The following CTSZ variants were observed in gnomAD, a reference collection of about 807,000 sequenced individuals.
CTSZ encodes cathepsin Z, also known as carboxypeptidase LB.
A neutral mutation model predicts 32.4 loss-of-function variants in CTSZ; 39 were observed. The observed-to-expected ratio is 1.20, with a 90% CI of 0.93 to 1.57. The LOEUF (loss-of-function observed/expected upper bound fraction) is 1.57. Ranked by LOEUF, CTSZ falls within the 40% of genes most tolerant of loss-of-function variation. The pLI is 0.00. For synonymous variants in CTSZ, 168 were observed against 170.1 expected, an observed-to-expected ratio of 0.99 and a Z score of 0.10; for missense variants, 397 against 419.6, an observed-to-expected ratio of 0.95 and a Z score of 0.47.
Position 59,004,969 on chromosome 20 carries a change from C to CA in CTSZ, c.307+1352dup, listed in dbSNP as rs1437748611. Among the ~76,000 whole-genome samples, 1 of 152,138 alleles carries CA rather than the reference C, an allele frequency of 6.6e-6. No individual in the cohort carries two copies. The highest frequency in any genetic ancestry group is 1.5e-5 in the Non-Finnish European group (1 of 68,020). On this transcript the variant is annotated intron_variant, in intron 2 of 5. Transcript: ENST00000217131. This position sits in a 1 kb window ranked among gnomAD's most constrained non-coding sequence, Gnocchi z 5.6. ...CACATCTTGTCACCTGACTCCCTCT[C>CA]AAAGAGTTCAAGGCTTCCCACAGGC...
At chr20:59,000,691 C>T (rs1049852316) in intron 3 of CTSZ, among the ~76,000 whole-genome samples, 5 of 152,170 alleles carry the variant, frequency 3.3e-5, no homozygotes, top group Admixed American at 2.0e-4. Context: ...GCCCCCTACA[C>T]CTCTCCCCTA....
intron 2 of CTSZ, 91 bp downstream of exon 2, chr20:59,006,231 G>T: frequency 1.4e-6 from 2 of 1,448,712 alleles, no homozygotes; most frequent in South Asian, 2.7e-5. Context: ...TGAATCACAG[G>T]CCCCTGGAAC....
rs1433652010 is a variant in CTSZ at position 59,007,063 on chromosome 20, C to G, written c.66G>C (p.Gln22His). The G allele has an allele frequency of 6.8e-7, 1 of 1,464,172 alleles. No homozygotes were observed. Among genetic ancestry groups the G allele is most frequent in the East Asian group, 3.0e-5 (1 of 33,092 alleles). 90.7% of individuals were successfully genotyped at this position (1,464,172 alleles called of 1,614,324 possible). The change falls in exon 1 of 6, where the codon CAG becomes CAC. Residue 22 changes from glutamine (Q) to histidine (H), a missense_variant. Gln to His is a conservative substitution (Grantham distance 24). Coordinates refer to ENST00000217131, the MANE Select transcript of CTSZ (RefSeq NM_001336.4). ...GTCCCCGGCGGAAGTAGAGGCCGCC[C>G]TGCGCCGCGCCCGCCAGCAGCACGA... Reference protein sequence around the residue: ...LLLVLLAGAAQGGLYFRRGQT... With the variant: ...LLLVLLAGAAHGGLYFRRGQT...
chr20:58,997,809 A>G (rs1366945612), intron 3 of CTSZ, 56 bp from the exon 4 acceptor site: 4 of 1,495,616 alleles, frequency 2.7e-6, no homozygotes, highest in South Asian at 1.3e-5. Context: ...ACCCACTGAC[A>G]AAGAAGCCCG....
At chr20:59,003,280 T>C (rs971521988) in intron 2 of CTSZ, among the ~76,000 whole-genome samples, 2 of 152,218 alleles carry the variant, frequency 1.3e-5, no homozygotes, top group Non-Finnish European at 2.9e-5. Flanking sequence ...GTTTCGGTTC[T>C]GGCCTCTCCG....
At chr20:58,999,490 GA>G (rs1364882291) in intron 3 of CTSZ, among the ~76,000 whole-genome samples, 1 of 137,138 alleles carries the variant, frequency 7.3e-6, no homozygotes, top group African/African-American at 2.7e-5. Flanking sequence ...AGAGCCATCT[GA>G]TAGCCCTTCC....
chr20:59,004,248 G>C lies in CTSZ; in HGVS notation c.307+2074C>G, dbSNP rs2091900601. ...GGTGACCGGGACAGCGGGCGAGTGG[G>C]CAGGTGGATGTCAAGCTGAGTTCAG... is the stretch of plus-strand genomic sequence containing the variant. On this transcript the variant is annotated intron_variant, in intron 2 of 5. Transcript: ENST00000217131. This position sits in a 1 kb window ranked among gnomAD's most constrained non-coding sequence, Gnocchi z 5.6. Among the ~76,000 whole-genome samples, 1 of 152,126 alleles carries C rather than the reference G, an allele frequency of 6.6e-6. No individual in the cohort carries two copies. Among genetic ancestry groups the C allele is most frequent in the East Asian group, 1.9e-4 (1 of 5,194 alleles).
chr20:58,997,224 G>A (rs898823807), intron 4 of CTSZ, among the ~76,000 whole-genome samples: 3 of 151,278 alleles, frequency 2.0e-5, no homozygotes, highest in Admixed American at 1.3e-4. Flanking sequence ...CTCAGGTAGT[G>A]TATATCTGAC....
Position 59,007,010 on chromosome 20 carries a change from T to TC in CTSZ, c.118dup (p.Asp40GlyfsTer16), listed in dbSNP as rs1441750300. ...CCTGCGCCCCAGCGGAGCCAGCCCG[T>TC]CCCCCCGCAGAGGCCGGTAGCAGGT... is the stretch of plus-strand genomic sequence containing the variant. On this transcript the variant is annotated frameshift_variant, in exon 1 of 6. Transcript: ENST00000217131. LOFTEE classifies it high-confidence loss of function. 2.8e-4 allele frequency: 413 copies of TC among 1,468,138 alleles called. 1 individual carries two copies. The highest frequency in any genetic ancestry group is 4.8e-4 in the Admixed American group (20 of 41,416). The allele number at this position is 1,468,138 out of a possible 1,614,324, so 90.9% of individuals were successfully genotyped here.
chr20:58,998,863 G>A (rs868124597), intron 3 of CTSZ, among the ~76,000 whole-genome samples: 195 of 152,246 alleles, frequency 1.3e-3, no homozygotes, highest in African/African-American at 4.3e-3. Context: ...ACATCTGTCG[G>A]GATTCCTCCC....
rs1261851717 is a variant in CTSZ at position 59,007,153 on chromosome 20, C to CG, written c.-26dup. ...TGGCCCCGCGCCGGCTCCTGGGTCC[C>CG]GCTCCGGATCCCGCTCCGAGTCCCA... On this transcript the variant is annotated 5_prime_UTR_variant, in exon 1 of 6. Transcript: ENST00000217131. 1 of 1,323,148 alleles carries CG rather than the reference C, an allele frequency of 7.6e-7. No homozygotes were observed. The allele number at this position is 1,323,148 out of a possible 1,614,324, so 82.0% of individuals were successfully genotyped here.
intron 1 of CTSZ, 98 bp downstream of exon 1, chr20:59,006,888 C>T: frequency 1.9e-6 from 2 of 1,080,528 alleles, no homozygotes; most frequent in Non-Finnish European, 2.4e-6. Flanking sequence ...CCTTCCAAGG[C>T]CTGTTGGCGA....
intron 3 of CTSZ, among the ~76,000 whole-genome samples, chr20:58,998,874 C>T (rs1421527998): frequency 6.6e-6 from 1 of 152,214 alleles, no homozygotes; most frequent in East Asian, 1.9e-4. Context: ...GATTCCTCCC[C>T]CAGGAACATG....
At position 58,995,561 on chromosome 20, in the gene CTSZ, C is replaced by T; in HGVS notation, c.*88G>A. The T allele has an allele frequency of 1.6e-6, 2 of 1,259,428 alleles. No homozygotes were observed. Among genetic ancestry groups the T allele is most frequent in the Admixed American group, 1.8e-5 (1 of 55,214 alleles). The allele number at this position is 1,259,428 out of a possible 1,614,324, so 78.0% of individuals were successfully genotyped here. On this transcript the variant is annotated 3_prime_UTR_variant, in exon 6 of 6. Transcript: ENST00000217131. ...TATTGATAGCCACCCCAGTTCCTGC[C>T]AGCCAGCCTGGCACACATAACCATA...
At position 59,007,128 on chromosome 20, in the gene CTSZ, TG is replaced by T; in HGVS notation, c.-1del. 1.5e-6 allele frequency: 2 copies of T among 1,369,232 alleles called. No homozygotes were observed. Among genetic ancestry groups the T allele is most frequent in the South Asian group, 1.7e-5 (1 of 59,056 alleles). 84.8% of individuals were successfully genotyped at this position (1,369,232 alleles called of 1,614,324 possible). On this transcript the variant is annotated 5_prime_UTR_variant, in exon 1 of 6. Coordinates refer to ENST00000217131, the MANE Select transcript of CTSZ (RefSeq NM_001336.4). ...CGCCACCCTGGCCCGCGCCTCGCCA[TG>T]GCCCCGCGCCGGCTCCTGGGTCCCG...
At chr20:58,997,823 A>T (rs2091869051) in intron 3 of CTSZ, 70 bp from the exon 4 acceptor site, 1 of 1,421,624 alleles carries the variant, frequency 7.0e-7, no homozygotes, top group South Asian at 1.4e-5. Flanking sequence ...AAGCCCGCCA[A>T]GCCCACTCTC....
At position 59,004,130 on chromosome 20, in the gene CTSZ, G is replaced by T. The variant is rs919395344; in HGVS notation, c.307+2192C>A. ...AGGCTTTTGCCTGCATAGCCGGAAG[G>T]ACAGCCAGGGAGGACTGGGGAAGAA... is the stretch of plus-strand genomic sequence containing the variant. On this transcript the variant is annotated intron_variant, in intron 2 of 5. Coordinates refer to ENST00000217131, the MANE Select transcript of CTSZ (RefSeq NM_001336.4). This position sits in a 1 kb window ranked among gnomAD's most constrained non-coding sequence, Gnocchi z 5.6. Among the ~76,000 whole-genome samples, 9 of 152,232 alleles carry T rather than the reference G, an allele frequency of 5.9e-5. No individual in the cohort carries two copies. Among genetic ancestry groups the T allele is most frequent in the Non-Finnish European group, 7.3e-5 (5 of 68,032 alleles).
chr20:58,996,208 C>G (rs191633972), intron 5 of CTSZ, among the ~76,000 whole-genome samples: 6 of 152,226 alleles, frequency 3.9e-5, no homozygotes, highest in South Asian at 2.1e-4. Flanking sequence ...TGGCCCAACT[C>G]GAGTATTTTT....
At chr20:58,997,414 G>A in intron 4 of CTSZ, 189 bp downstream of exon 4, 1 of 462,178 alleles carries the variant, frequency 2.2e-6, no homozygotes, top group Admixed American at 4.2e-5. Flanking sequence ...TGATGTGGCT[G>A]TCTCGAGCCT....
Sources: allele counts gnomAD v4.1 joint callset (sites outside exome capture counted in the v4.1 genomes callset), GRCh38; gene constraint gnomAD v4.1.1; non-coding constraint Gnocchi (gnomAD v3.1); transcripts MANE v1.5; gene names NCBI Gene and HGNC (gene_info 2026-07-23, HGNC 2026-07-21).